The following PURG variants were observed in gnomAD, a reference collection of about 807,000 sequenced individuals.
PURG encodes purine-rich element-binding protein gamma.
Under a neutral mutation model 24.3 loss-of-function variants are expected in PURG, and 3 were observed. The ratio of observed to expected loss-of-function variants is 0.12; its 90% confidence interval spans 0.06 to 0.32. The LOEUF is 0.32. Ranked by LOEUF, PURG falls within the 10% of genes least tolerant of loss-of-function variation. PURG has a pLI of 1.00. For synonymous variants in PURG, 180 were observed against 173.1 expected, an observed-to-expected ratio of 1.04 and a Z score of -0.31; for missense variants, 371 against 439.1, an observed-to-expected ratio of 0.84 and a Z score of 1.39.
chr8:31,001,589 C>G lies in PURG; in HGVS notation c.865-4892G>C, dbSNP rs545751851. ...GGATCTTGTTGTCTGCTATATTATC[C>G]AGACCCAGAGAAATGGTTAGCTCAT... On this transcript the variant is annotated intron_variant, in intron 1 of 1. Transcript: ENST00000339382. Among the ~76,000 whole-genome samples the G allele has an allele frequency of 5.3e-5, 8 of 152,218 alleles. No individual in the cohort carries two copies. The South Asian group carries it at 1.2e-3, about 24-fold the overall frequency.
intron 1 of PURG, among the ~76,000 whole-genome samples, chr8:31,010,011 C>T (rs1388403836): frequency 6.6e-6 from 1 of 151,996 alleles, no homozygotes; most frequent in Non-Finnish European, 1.5e-5. Flanking sequence ...GCGGGAGGAT[C>T]ACTTAAGCCC....
chr8:31,027,541 G>A (rs1269783629), downstream of PURG, among the ~76,000 whole-genome samples: 1 of 151,672 alleles, frequency 6.6e-6, no homozygotes, highest in Non-Finnish European at 1.5e-5. Context: ...TATTTAAAAT[G>A]AGCATCTGAG....
At chr8:31,005,328 G>C (rs1284733575) in intron 1 of PURG, among the ~76,000 whole-genome samples, 1 of 152,040 alleles carries the variant, frequency 6.6e-6, no homozygotes, top group Non-Finnish European at 1.5e-5. Flanking sequence ...AGCTACTTGG[G>C]AGGCTGAGGC....
chr8:31,031,755 TG>T lies in PURG; in HGVS notation c.1027del (p.Gln343LysfsTer22). ...AATTTCACTCTAGTCGAGGCATTCTTGTTCTTCACCACTGGCCTTTCTGCCA... is the reference window on the plus strand; with the variant it reads ...AATTTCACTCTAGTCGAGGCATTCTTTTCTTCACCACTGGCCTTTCTGCCA... The part of the protein sequence containing the change: ...MDGRKASGEE[Q>X]ECLD On this transcript the variant is annotated frameshift_variant, in exon 2 of 2. Transcript: ENST00000523392. LOFTEE classifies it high-confidence loss of function. 1.3e-6 allele frequency: 2 copies of T among 1,549,710 alleles called. No homozygotes were observed. The highest frequency in any genetic ancestry group is 1.7e-6 in the Non-Finnish European group (2 of 1,146,148).
chr8:31,021,579 T>A (rs1352484551), intron 1 of PURG, among the ~76,000 whole-genome samples: 1 of 152,196 alleles, frequency 6.6e-6, no homozygotes, highest in African/African-American at 2.4e-5. Flanking sequence ...CCAAGTAAGC[T>A]GAGGCAGATG....
At chr8:31,006,067 G>A (rs1810643902) in intron 1 of PURG, among the ~76,000 whole-genome samples, 1 of 152,110 alleles carries the variant, frequency 6.6e-6, no homozygotes, top group South Asian at 2.1e-4. Flanking sequence ...CCTAACTTAT[G>A]ACTACCTTAC....
chr8:31,008,918 T>G (rs1458027485), intron 1 of PURG, among the ~76,000 whole-genome samples: 1 of 152,182 alleles, frequency 6.6e-6, no homozygotes, highest in African/African-American at 2.4e-5. Flanking sequence ...TACCTAAAAA[T>G]AGAGCTGAAA....
At chr8:30,996,400 T>G in exon 2 of PURG, 2 of 439,202 alleles carry the variant, frequency 4.6e-6, no homozygotes, top group Non-Finnish European at 8.1e-6. Context: ...CTGGATAGAG[T>G]CGAAAGGTAC....
intron 1 of PURG, among the ~76,000 whole-genome samples, chr8:31,010,232 C>T (rs553749448): frequency 2.6e-5 from 4 of 152,324 alleles, no homozygotes; most frequent in Non-Finnish European, 5.9e-5. Context: ...TTTTAGAGGG[C>T]TATTCTGCAA....
chr8:31,026,936 A>G (rs1811101075), downstream of PURG, among the ~76,000 whole-genome samples: 1 of 151,654 alleles, frequency 6.6e-6, no homozygotes, highest in South Asian at 2.1e-4. Flanking sequence ...TCTACCTACT[A>G]AATTTGGGTA....
Position 31,032,216 on chromosome 8 carries a change from T to C in PURG, c.567A>G (p.Glu189=), listed in dbSNP as rs746900091. 5.6e-6 allele frequency: 9 copies of C among 1,614,230 alleles called. No homozygotes were observed. Among genetic ancestry groups the C allele is most frequent in the Non-Finnish European group, 7.6e-6 (9 of 1,180,034 alleles). ...DNRKYYLDLK[E]NQRGRFLRIR... is the part of the protein sequence containing the mutation. ...TCCGTAGGAAGCGACCCCGCTGATT[T>C]TCCTTTAGGTCTAGGTAATATTTCC... The change falls in exon 2 of 2, where the codon GAA becomes GAG. Residue 189 remains glutamate (E), a synonymous_variant. Transcript: ENST00000523392. The surrounding 1 kb of genome is among the most constrained non-coding windows in gnomAD (Gnocchi z 5.9).
chr8:31,021,328 AG>A (rs1487302764), intron 1 of PURG, among the ~76,000 whole-genome samples: 1 of 152,228 alleles, frequency 6.6e-6, no homozygotes, highest in African/African-American at 2.4e-5. Context: ...CTCTGCCCTT[AG>A]GGATGAAACT....
rs1811254260 is a variant in PURG, at chr8:31,032,625, C to A, written c.158G>T (p.Gly53Val). ...AASATPNQAG[G>V]AAEIQELASK... Reference sequence around the variant, plus strand: ...GGCCAGCTCCTGGATTTCGGCTGCGCCCCCGGCCTGATTAGGGGTGGCTGA... The same window carrying A: ...GGCCAGCTCCTGGATTTCGGCTGCGACCCCGGCCTGATTAGGGGTGGCTGA... The change falls in exon 2 of 2, where the codon GGC becomes GTC. Residue 53 changes from glycine to valine, a missense_variant. Gly to Val is a moderately radical substitution (Grantham distance 109). Transcript: ENST00000523392. This position sits in a 1 kb window ranked among gnomAD's most constrained non-coding sequence, Gnocchi z 5.9. The A allele has an allele frequency of 1.2e-6, 2 of 1,601,058 alleles. No individual in the cohort carries two copies. The highest frequency in any genetic ancestry group is 1.7e-4 in the Middle Eastern group (1 of 6,002).
At chr8:31,028,137 A>T (rs1454376803), downstream of PURG, among the ~76,000 whole-genome samples, 1 of 151,796 alleles carries the variant, frequency 6.6e-6, no homozygotes, top group Non-Finnish European at 1.5e-5. Context: ...GGGAATCTCA[A>T]CTAAATATAG....
chr8:31,002,646 G>A (rs1810560600), intron 1 of PURG, among the ~76,000 whole-genome samples: 1 of 152,000 alleles, frequency 6.6e-6, no homozygotes, highest in Non-Finnish European at 1.5e-5. Context: ...ACCACACCTG[G>A]CTAATTTTTG....
intron 1 of PURG, among the ~76,000 whole-genome samples, chr8:31,011,574 T>G (rs139150084): frequency 1.4e-4 from 21 of 152,310 alleles, no homozygotes; most frequent in African/African-American, 4.8e-4. Flanking sequence ...TGCATAGCAT[T>G]TTATACTAGA....
At chr8:31,006,841 C>T (rs929513273) in intron 1 of PURG, among the ~76,000 whole-genome samples, 6 of 152,188 alleles carry the variant, frequency 3.9e-5, no homozygotes, top group African/African-American at 1.2e-4. Flanking sequence ...TCTTACCTCA[C>T]ACAGTGTCTT....
At chr8:30,996,596 T>C in exon 2 of PURG, 1 of 1,601,082 alleles carries the variant, frequency 6.2e-7, no homozygotes, top group Non-Finnish European at 8.6e-7. Flanking sequence ...TTATTCCTTA[T>C]TCCTCAACTG....
At chr8:31,005,176 T>C (rs1028019835) in intron 1 of PURG, among the ~76,000 whole-genome samples, 1 of 152,240 alleles carries the variant, frequency 6.6e-6, no homozygotes, top group East Asian at 1.9e-4. Context: ...CTTATGCCCA[T>C]AATCCTAGCA....
Sources: allele counts gnomAD v4.1 joint callset (sites outside exome capture counted in the v4.1 genomes callset), GRCh38; gene constraint gnomAD v4.1.1; non-coding constraint Gnocchi (gnomAD v3.1); transcripts MANE v1.5; gene names NCBI Gene and HGNC (gene_info 2026-07-23, HGNC 2026-07-21).